Variants in TAOK3 observed in about 807,000 individuals in gnomAD.
TAOK3 encodes serine/threonine-protein kinase TAO3.
A neutral mutation model predicts 120.4 loss-of-function variants in TAOK3; 40 were observed. The ratio of observed to expected loss-of-function variants is 0.33; its 90% CI spans 0.26 to 0.43. The LOEUF (loss-of-function observed/expected upper bound fraction) is 0.43. TAOK3 is among the 20% of genes least tolerant of loss of function. The pLI, the probability that TAOK3 is intolerant of heterozygous loss-of-function variation, is 1.00. For missense variants in TAOK3, 821 were observed against 1,112.1 expected (o/e 0.74, Z 3.72); for synonymous variants, 355 against 387.5 (o/e 0.92, Z 0.99).
At chr12:118,188,923 A>AGC (rs1555216905) in intron 14 of TAOK3, among the ~76,000 whole-genome samples, 7 of 150,884 alleles carry the variant, frequency 4.6e-5, no homozygotes, top group Non-Finnish European at 7.4e-5. Flanking sequence ...AAACGATGTG[A>AGC]GTGTGTGTGT....
At chr12:118,336,606 T>C (rs1444827371) in intron 1 of TAOK3, among the ~76,000 whole-genome samples, 1 of 152,022 alleles carries the variant, frequency 6.6e-6, no homozygotes, top group Non-Finnish European at 1.5e-5. Context: ...AAATTGTACC[T>C]AATCAAAATT....
chr12:118,199,243 T>G lies in TAOK3; in HGVS notation c.1002A>C (p.Gly334=), dbSNP rs1380812654. 8 of 1,614,018 alleles carry G rather than the reference T, an allele frequency of 5.0e-6. No homozygotes were observed. The highest frequency in any genetic ancestry group is 1.7e-4 in the Middle Eastern group (1 of 6,016). The part of the protein sequence containing the change: ...SQEDEEDSEH[G]TSLNREMDSL... The stretch of plus-strand genomic sequence containing the variant: ...TGTCCATTTCCCTGTTCAGGCTGGT[T>G]CCATGTTCACTGTCCTGTAAAAATG... The change falls in exon 13 of 21, where the codon GGA becomes GGC. Residue 334 remains glycine, a synonymous_variant. Coordinates refer to ENST00000392533, the MANE Select transcript of TAOK3 (RefSeq NM_016281.4).
chr12:118,368,400 G>C (rs918972852), intron 1 of TAOK3, among the ~76,000 whole-genome samples: 2 of 151,940 alleles, frequency 1.3e-5, no homozygotes, highest in Admixed American at 6.5e-5. Flanking sequence ...TTTTCACCAC[G>C]TTGGTTAGGC....
chr12:118,254,937 T>G (rs1449190107), intron 3 of TAOK3, among the ~76,000 whole-genome samples: 2 of 151,964 alleles, frequency 1.3e-5, no homozygotes, highest in African/African-American at 2.4e-5. Flanking sequence ...TTTTTTTTTG[T>G]ATTTTTAGTA....
intron 3 of TAOK3, among the ~76,000 whole-genome samples, chr12:118,252,713 TTTTTC>T (rs1259506226): frequency 4.7e-5 from 7 of 150,180 alleles, no homozygotes; most frequent in African/African-American, 1.7e-4. Context: ...TTAGCACCCT[TTTTTC>T]TTTTCTTTTT....
At chr12:118,267,636 C>T (rs1034545751) in intron 1 of TAOK3, among the ~76,000 whole-genome samples, 1 of 151,180 alleles carries the variant, frequency 6.6e-6, no homozygotes, top group Non-Finnish European at 1.5e-5. Flanking sequence ...CCTGTAATCC[C>T]GGCACTTTGG....
At chr12:118,197,847 C>G (rs1294506968) in intron 13 of TAOK3, among the ~76,000 whole-genome samples, 1 of 151,930 alleles carries the variant, frequency 6.6e-6, no homozygotes, top group African/African-American at 2.4e-5. Context: ...ACCACCACAC[C>G]CGGCTAATTT....
Position 118,371,591 on chromosome 12 carries a change from G to A in TAOK3, c.-194+1057C>T, listed in dbSNP as rs1186577392. Among the ~76,000 whole-genome samples, 1 of 152,008 alleles carries A rather than the reference G, an allele frequency of 6.6e-6. No individual in the cohort carries two copies. Among genetic ancestry groups the A allele is most frequent in the East Asian group, 1.9e-4 (1 of 5,154 alleles). ...AGGGAGGTCGCTGATGCCAGACCCT[G>A]GGAGCACCTCCCCGCTCCACTCGTC... On this transcript the variant is annotated intron_variant, in intron 1 of 20. Transcript: ENST00000392533. This position sits in a 1 kb window ranked among gnomAD's most constrained non-coding sequence, Gnocchi z 5.5.
At chr12:118,327,499 T>C (rs1302880089) in intron 1 of TAOK3, among the ~76,000 whole-genome samples, 1 of 152,186 alleles carries the variant, frequency 6.6e-6, no homozygotes, top group Non-Finnish European at 1.5e-5. Flanking sequence ...AGGAAAATGT[T>C]TAAACATTCT....
chr12:118,362,642 A>T (rs1274633107), intron 1 of TAOK3, among the ~76,000 whole-genome samples: 2 of 152,196 alleles, frequency 1.3e-5, no homozygotes, highest in African/African-American at 2.4e-5. Context: ...TCCCTCTCCC[A>T]GGCTCTACCT....
chr12:118,369,142 C>T (rs2045830344), intron 1 of TAOK3, among the ~76,000 whole-genome samples: 2 of 152,094 alleles, frequency 1.3e-5, no homozygotes, highest in African/African-American at 4.8e-5. Context: ...GAGAGAATAT[C>T]CCGCCACTGC....
At chr12:118,273,129 G>A (rs1004496189) in intron 1 of TAOK3, among the ~76,000 whole-genome samples, 1 of 152,112 alleles carries the variant, frequency 6.6e-6, no homozygotes, top group African/African-American at 2.4e-5. Context: ...TCCTCCCAAG[G>A]ATCTCAGGAC....
chr12:118,307,904 A>G (rs2043109544), intron 1 of TAOK3, among the ~76,000 whole-genome samples: 1 of 152,002 alleles, frequency 6.6e-6, no homozygotes, highest in Admixed American at 6.5e-5. Flanking sequence ...ACACTACATG[A>G]TAGTTACTGG....
At chr12:118,334,829 T>C (rs2044295992) in intron 1 of TAOK3, among the ~76,000 whole-genome samples, 2 of 150,824 alleles carry the variant, frequency 1.3e-5, no homozygotes, top group South Asian at 4.2e-4. Context: ...TGAGCAGAGA[T>C]TGTGCCCTTG....
intron 1 of TAOK3, among the ~76,000 whole-genome samples, chr12:118,341,445 C>T (rs1403824958): frequency 6.6e-6 from 1 of 151,852 alleles, no homozygotes; most frequent in African/African-American, 2.4e-5. Flanking sequence ...GTCCATCTGT[C>T]CAAATTTTGT....
intron 1 of TAOK3, among the ~76,000 whole-genome samples, chr12:118,311,804 A>G (rs927616835): frequency 2.0e-5 from 3 of 152,238 alleles, no homozygotes; most frequent in Non-Finnish European, 2.9e-5. Flanking sequence ...AAGGAACTCA[A>G]TGAAGTTACT....
At chr12:118,214,730 G>A (rs1200505289) in intron 9 of TAOK3, among the ~76,000 whole-genome samples, 1 of 145,900 alleles carries the variant, frequency 6.9e-6, no homozygotes, top group Non-Finnish European at 1.5e-5. Context: ...ATCGTGCATG[G>A]CTAATTTCTT....
At chr12:118,344,396 T>C (rs761611947) in intron 1 of TAOK3, among the ~76,000 whole-genome samples, 2 of 152,014 alleles carry the variant, frequency 1.3e-5, no homozygotes, top group East Asian at 1.9e-4. Context: ...ACAAAACAGA[T>C]GACCACATTG....
At chr12:118,246,014 A>C (rs1283949410) in intron 3 of TAOK3, 1 of 642,366 alleles carries the variant, frequency 1.6e-6, no homozygotes, top group African/African-American at 1.9e-5. Flanking sequence ...TTTTTGCAAA[A>C]TAGTAATAAT....
Sources: gnomAD v4.1 joint callset for allele counts (sites outside exome capture counted in the v4.1 genomes callset) on GRCh38, gnomAD v4.1.1 for gene constraint, Gnocchi (gnomAD v3.1) non-coding constraint, MANE v1.5 for transcripts, NCBI Gene and HGNC (gene_info 2026-07-23, HGNC 2026-07-21) for gene names.